CSE1L: variants seen among roughly 807,000 people sequenced by gnomAD.
CSE1L encodes the protein exportin-2.
CSE1L carries 24 observed loss-of-function variants against 120.4 expected under a neutral mutation model. The observed-to-expected ratio is 0.20, with a 90% CI of 0.14 to 0.28. CSE1L has a LOEUF of 0.28. CSE1L is among the 10% of genes least tolerant of loss of function. The pLI is 1.00. For synonymous variants in CSE1L, 402 were observed against 398.3 expected, an observed-to-expected ratio of 1.01 and a Z score of -0.11; for missense variants, 830 against 1,145.2, an observed-to-expected ratio of 0.72 and a Z score of 3.97.
Position 49,084,182 on chromosome 20 carries a change from G to A in CSE1L, c.1619+20G>A. The A allele has an allele frequency of 2.5e-6, 4 of 1,612,936 alleles. No homozygotes were observed. The highest frequency in any genetic ancestry group is 3.4e-6 in the Non-Finnish European group (4 of 1,179,312). ...CACTCTGTGAGTATTTTATTCTAAA[G>A]TTTTTTAGCCTGGGGTAGGGGCTGT... On this transcript the variant is annotated intron_variant, in intron 15 of 24. Coordinates refer to ENST00000262982, the MANE Select transcript of CSE1L (RefSeq NM_001316.4).
At chr20:49,063,115 T>G in intron 2 of CSE1L, 87 bp from the exon 3 acceptor site, 1 of 686,574 alleles carries the variant, frequency 1.5e-6, no homozygotes, top group Non-Finnish European at 2.0e-6. Context: ...TTCTCTTTTT[T>G]TGATTTTTTT....
At chr20:49,060,059 C>T (rs2091839775) in intron 2 of CSE1L, among the ~76,000 whole-genome samples, 1 of 151,704 alleles carries the variant, frequency 6.6e-6, no homozygotes, top group African/African-American at 2.4e-5. Context: ...GTGATGTGTG[C>T]CTGTATTCCT....
chr20:49,049,364 T>C (rs1216184313), intron 1 of CSE1L, among the ~76,000 whole-genome samples: 1 of 152,006 alleles, frequency 6.6e-6, no homozygotes, highest in Non-Finnish European at 1.5e-5. Flanking sequence ...TTATTTTTTT[T>C]TTGTAGAGAT....
chr20:49,058,398 G>A (rs1247829726), intron 1 of CSE1L, 55 bp from the exon 2 acceptor site: 23 of 1,263,112 alleles, frequency 1.8e-5, no homozygotes, highest in Non-Finnish European at 2.6e-5. Context: ...TTCTTTAAAT[G>A]TAAATCACTT....
rs1389050257 is a variant in CSE1L, at chr20:49,075,358, A to G, written c.1173A>G (p.Arg391=). Residue 391 remains arginine (R), a synonymous_variant, in exon 12 of 25, where the codon CGA becomes CGG. Coordinates refer to ENST00000262982, the MANE Select transcript of CSE1L (RefSeq NM_001316.4). The part of the protein sequence containing the change: ...TRRRAACDLV[R]GLCKFFEGPV... ...GCAGGGCTGCTTGTGATCTGGTACG[A>G]GGATTATGCAAGTTTTTTGAGGGAC... 2 of 1,613,924 alleles carry G rather than the reference A, an allele frequency of 1.2e-6. No homozygotes were observed. The highest frequency in any genetic ancestry group is 2.2e-5 in the East Asian group (1 of 44,856).
intron 15 of CSE1L, 78 bp downstream of exon 15, chr20:49,084,240 A>G: frequency 7.3e-7 from 1 of 1,362,444 alleles, no homozygotes; most frequent in Non-Finnish European, 1.0e-6. Context: ...GAATGTTTTC[A>G]TAATTTCACT....
intron 13 of CSE1L, among the ~76,000 whole-genome samples, chr20:49,077,975 G>T (rs904537904): frequency 1.2e-4 from 18 of 152,218 alleles, no homozygotes; most frequent in African/African-American, 4.1e-4. Context: ...CTGCACTCTA[G>T]CCTGGGATAC....
intron 10 of CSE1L, among the ~76,000 whole-genome samples, chr20:49,074,523 C>T (rs541529923): frequency 6.6e-6 from 1 of 152,206 alleles, no homozygotes; most frequent in South Asian, 2.1e-4. Flanking sequence ...TTGACAGTTG[C>T]AGGTATAATC....
chr20:49,071,316 AAC>A (rs2091929864), intron 8 of CSE1L, among the ~76,000 whole-genome samples: 1 of 152,204 alleles, frequency 6.6e-6, no homozygotes. Context: ...GGGAGGGAAA[AAC>A]ACTCCTTCAG....
Position 49,066,215 on chromosome 20 carries a change from T to A in CSE1L, c.252T>A (p.Ile84=). The change falls in exon 4 of 25, where the codon ATT becomes ATA. Residue 84 remains isoleucine (I), a synonymous_variant. Coordinates refer to ENST00000262982, the MANE Select transcript of CSE1L (RefSeq NM_001316.4). ...AGGTTGAAGATGAACCAAACAAAAT[T>A]TGTGAAGCCGATCGAGTGGCCATTA... ...WRIVEDEPNK[I]CEADRVAIKA... is the part of the protein sequence containing the mutation. The A allele has an allele frequency of 6.2e-7, 1 of 1,614,200 alleles. No individual in the cohort carries two copies. Among genetic ancestry groups the A allele is most frequent in the Non-Finnish European group, 8.5e-7 (1 of 1,180,014 alleles).
intron 14 of CSE1L, among the ~76,000 whole-genome samples, chr20:49,082,206 T>A (rs1405688169): frequency 1.3e-5 from 2 of 152,062 alleles, no homozygotes; most frequent in African/African-American, 4.8e-5. Context: ...ATGCTGTAGG[T>A]TTTAATTTTT....
chr20:49,053,130 T>A (rs1049570066), intron 1 of CSE1L, among the ~76,000 whole-genome samples: 2 of 144,964 alleles, frequency 1.4e-5, no homozygotes, highest in African/African-American at 2.5e-5. Context: ...GACAATACAG[T>A]GAGACCCCCT....
chr20:49,092,171 A>C (rs886518160), intron 22 of CSE1L, 44 bp downstream of exon 22: 4 of 1,172,018 alleles, frequency 3.4e-6, no homozygotes, highest in Admixed American at 2.3e-5. Context: ...AAATGTTTTG[A>C]CTTTTTTTTT....
At chr20:49,065,566 G>A (rs1385189697) in intron 3 of CSE1L, among the ~76,000 whole-genome samples, 2 of 117,848 alleles carry the variant, frequency 1.7e-5, no homozygotes, top group Admixed American at 9.7e-5. Context: ...GTGAGCCATC[G>A]CACCTGGCCT....
intron 15 of CSE1L, among the ~76,000 whole-genome samples, chr20:49,085,072 G>A (rs146355244): frequency 6.6e-6 from 1 of 152,232 alleles, no homozygotes; most frequent in Admixed American, 6.5e-5. Context: ...TGGCTTTTTG[G>A]TTCAGTTGTG....
intron 10 of CSE1L, among the ~76,000 whole-genome samples, chr20:49,074,574 T>C (rs560179936): frequency 7.2e-5 from 11 of 152,296 alleles, no homozygotes; most frequent in African/African-American, 2.6e-4. Context: ...AGTGAGCCTA[T>C]CTCATAGTTG....
intron 1 of CSE1L, among the ~76,000 whole-genome samples, chr20:49,046,997 G>C (rs1433343350): frequency 6.6e-6 from 1 of 152,234 alleles, no homozygotes; most frequent in Non-Finnish European, 1.5e-5. Flanking sequence ...AACGGGCATC[G>C]TGATCTCACT....
At chr20:49,072,494 TCC>T (rs1243973023) in intron 9 of CSE1L, 41 bp downstream of exon 9, 1 of 1,607,936 alleles carries the variant, frequency 6.2e-7, no homozygotes, top group African/African-American at 1.3e-5. Flanking sequence ...AGACATTCTC[TCC>T]CTATCTCCTC....
At chr20:49,053,147 CTTTT>C (rs71184250) in intron 1 of CSE1L, among the ~76,000 whole-genome samples, 11 of 122,712 alleles carry the variant, frequency 9.0e-5, no homozygotes, top group Admixed American at 1.6e-4. Context: ...CCCTGTCTCT[CTTTT>C]TTTTTTTTTT....
Sources: gnomAD v4.1 joint callset for allele counts (sites outside exome capture counted in the v4.1 genomes callset) on GRCh38, gnomAD v4.1.1 for gene constraint, MANE v1.5 for transcripts, NCBI Gene and HGNC (gene_info 2026-07-23, HGNC 2026-07-21) for gene names.